Variants in CKMT2 observed in about 807,000 individuals in gnomAD.
CKMT2 encodes creatine kinase, mitochondrial 2, also known as creatine kinase S-type, mitochondrial.
CKMT2 carries 43 observed loss-of-function variants against 48.9 expected under a neutral mutation model. The observed-to-expected ratio is 0.88, with a 90% CI of 0.69 to 1.13. The LOEUF (loss-of-function observed/expected upper bound fraction) is 1.13. Among genes scored for constraint, CKMT2 ranks in the 50% most tolerant of loss-of-function variants. The pLI is 0.00. For missense variants in CKMT2, 472 were observed against 555.4 expected (o/e 0.85, Z 1.51); for synonymous variants, 206 against 213.0 (o/e 0.97, Z 0.29).
chr5:81,249,609 A>G (rs1317727876), intron 1 of CKMT2, among the ~76,000 whole-genome samples: 3 of 152,038 alleles, frequency 2.0e-5, no homozygotes, highest in Admixed American at 1.3e-4. Flanking sequence ...TTGTATTACA[A>G]ATAAATATAT....
chr5:81,258,990 T>A lies in CKMT2; in HGVS notation c.880-130T>A, dbSNP rs1757112750. On this transcript the variant is annotated intron_variant, in intron 7 of 9. Coordinates refer to ENST00000254035, the MANE Select transcript of CKMT2 (RefSeq NM_001099735.2). ...GAGGTATTATTTTCTCTTAAAGGAG[T>A]ACTATAAATTTACCTTAATTTCATT... is the stretch of plus-strand genomic sequence containing the variant. 1.0e-5 allele frequency: 8 copies of A among 803,156 alleles called. No individual in the cohort carries two copies. The Admixed American group carries it at 2.0e-4, about 20-fold the overall frequency. 49.8% of individuals were successfully genotyped at this position (803,156 alleles called of 1,614,324 possible). A position where few individuals can be genotyped will look rare whatever the true frequency, so the allele number is the denominator to read the frequency against.
intron 1 of CKMT2, among the ~76,000 whole-genome samples, 163 bp from the exon 2 acceptor site, chr5:81,250,950 C>CACACACACACAT (rs1390372062): frequency 9.6e-5 from 14 of 146,290 alleles, no homozygotes; most frequent in South Asian, 2.1e-4. Flanking sequence ...AACACACACA[C>CACACACACACAT]ACACACACAC....
intron 1 of CKMT2, among the ~76,000 whole-genome samples, chr5:81,237,376 C>T (rs1476539745): frequency 6.6e-6 from 1 of 152,052 alleles, no homozygotes; most frequent in African/African-American, 2.4e-5. Flanking sequence ...TCATCATGCC[C>T]ATGATGGGGA....
chr5:81,255,399 G>C (rs1237104695), intron 5 of CKMT2, among the ~76,000 whole-genome samples, 185 bp downstream of exon 5: 1 of 152,230 alleles, frequency 6.6e-6, no homozygotes. Flanking sequence ...GCCACACATT[G>C]TACTTGTCAA....
intron 1 of CKMT2, chr5:81,239,288 G>A (rs1440494854): frequency 6.6e-6 from 1 of 152,266 alleles, no homozygotes; most frequent in Non-Finnish European, 1.5e-5. Flanking sequence ...ATCTTCCGTA[G>A]AGTCCCTCCA....
chr5:81,256,896 T>C lies in CKMT2; in HGVS notation c.670-19T>C. Reference sequence around the variant, plus strand: ...TCTCATCAGTCTCTCCTCTCTGCTTTATCCCTTTTGGCCTACAGGACCACT... The same window carrying C: ...TCTCATCAGTCTCTCCTCTCTGCTTCATCCCTTTTGGCCTACAGGACCACT... On this transcript the variant is annotated intron_variant, in intron 5 of 9. Transcript: ENST00000254035. 1 of 1,591,132 alleles carries C rather than the reference T, an allele frequency of 6.3e-7. No individual in the cohort carries two copies. Among genetic ancestry groups the C allele is most frequent in the Non-Finnish European group, 8.6e-7 (1 of 1,160,462 alleles).
At chr5:81,260,813 T>C (rs1020063691) in intron 8 of CKMT2, among the ~76,000 whole-genome samples, 3 of 152,220 alleles carry the variant, frequency 2.0e-5, no homozygotes, top group African/African-American at 7.2e-5. Context: ...CCAGTCCTTC[T>C]GAAACTATTC....
chr5:81,257,137 G>C (rs1163361824), intron 6 of CKMT2, 137 bp downstream of exon 6: 10 of 572,294 alleles, frequency 1.7e-5, no homozygotes, highest in Non-Finnish European at 2.7e-5. Flanking sequence ...AAGACTACTT[G>C]GAAAGTGTGT....
At chr5:81,241,890 T>A (rs1309012686) in intron 1 of CKMT2, among the ~76,000 whole-genome samples, 2 of 151,942 alleles carry the variant, frequency 1.3e-5, no homozygotes, top group African/African-American at 4.8e-5. Flanking sequence ...TTAAATTGTT[T>A]CCCCAACACC....
chr5:81,234,495 T>C (rs114030034), intron 1 of CKMT2, among the ~76,000 whole-genome samples: 1,936 of 152,338 alleles, frequency 0.013, 20 homozygotes, highest in South Asian at 0.04. Flanking sequence ...AGAGACTTCC[T>C]GACAGGCAGG....
intron 1 of CKMT2, among the ~76,000 whole-genome samples, chr5:81,233,584 G>A (rs1402871185): frequency 6.6e-6 from 1 of 152,140 alleles, no homozygotes; most frequent in Admixed American, 6.5e-5. Flanking sequence ...ACACAGGTGG[G>A]GGCAGCTCAG....
chr5:81,258,832 CG>C (rs1230357709), intron 7 of CKMT2, among the ~76,000 whole-genome samples: 14 of 152,290 alleles, frequency 9.2e-5, no homozygotes, highest in African/African-American at 3.4e-4. Context: ...TCCCTCCCTA[CG>C]ATCTGTGGAA....
At chr5:81,260,576 A>G (rs1757180963) in intron 8 of CKMT2, among the ~76,000 whole-genome samples, 1 of 152,256 alleles carries the variant, frequency 6.6e-6, no homozygotes, top group Non-Finnish European at 1.5e-5. Flanking sequence ...ATCAGAGAAT[A>G]CTATAAACAC....
At chr5:81,253,198 T>A (rs965335784) in intron 3 of CKMT2, among the ~76,000 whole-genome samples, 1 of 152,142 alleles carries the variant, frequency 6.6e-6, no homozygotes, top group Non-Finnish European at 1.5e-5. Flanking sequence ...AACAATAAAA[T>A]TGAATGGTGT....
intron 9 of CKMT2, among the ~76,000 whole-genome samples, chr5:81,265,404 C>T (rs1289487371): frequency 6.6e-6 from 1 of 152,144 alleles, no homozygotes; most frequent in Admixed American, 6.5e-5. Flanking sequence ...TCCCTTCCAT[C>T]CTTGCTGCTC....
intron 1 of CKMT2, among the ~76,000 whole-genome samples, chr5:81,243,837 G>A (rs1324805037): frequency 6.6e-6 from 1 of 152,002 alleles, no homozygotes; most frequent in Non-Finnish European, 1.5e-5. Flanking sequence ...TTACAGGCGC[G>A]TGCTACCACA....
At chr5:81,252,423 T>G (rs1756850160) in intron 2 of CKMT2, 4 of 478,866 alleles carry the variant, frequency 8.4e-6, no homozygotes, top group Non-Finnish European at 1.5e-5. Context: ...AGCACCCAAT[T>G]TGATTTCTAT....
chr5:81,245,654 G>A (rs1285235764), intron 1 of CKMT2, among the ~76,000 whole-genome samples: 1 of 152,174 alleles, frequency 6.6e-6, no homozygotes, highest in African/African-American at 2.4e-5. Context: ...GGGCCTGATG[G>A]CCAGGCCTTC....
chr5:81,255,014 G>A lies in CKMT2; in HGVS notation c.469G>A (p.Glu157Lys), dbSNP rs1216063009. The A allele has an allele frequency of 1.9e-6, 3 of 1,613,894 alleles. No homozygotes were observed. Among genetic ancestry groups the A allele is most frequent in the Non-Finnish European group, 2.5e-6 (3 of 1,179,998 alleles). The change falls in exon 5 of 10, where the codon GAG becomes AAG. Residue 157 changes from glutamate (E) to lysine (K), a missense_variant. Coordinates refer to ENST00000254035, the MANE Select transcript of CKMT2 (RefSeq NM_001099735.2). ...ASKITQGQFD[E>K]HYVLSSRVRT... Reference sequence around the variant, plus strand: ...GCAGATCACCCAAGGGCAGTTCGACGAGCATTACGTGCTGTCTTCTCGGGT... The same window carrying A: ...GCAGATCACCCAAGGGCAGTTCGACAAGCATTACGTGCTGTCTTCTCGGGT...
Sources: allele counts gnomAD v4.1 joint callset (sites outside exome capture counted in the v4.1 genomes callset), GRCh38; gene constraint gnomAD v4.1.1; transcripts MANE v1.5; gene names NCBI Gene and HGNC (gene_info 2026-07-23, HGNC 2026-07-21).